RGS6: variants seen among roughly 807,000 people sequenced by gnomAD.
RGS6 encodes regulator of G-protein signaling 6.
In RGS6, 30 loss-of-function variants were observed where a neutral mutation model predicts 78.5. That is an observed-to-expected ratio of 0.38 (90% CI 0.29 to 0.52). RGS6 has a LOEUF of 0.52. Among genes scored for constraint, RGS6 ranks in the 20% least tolerant of loss-of-function variants. The pLI is 0.85. For missense variants in RGS6, 495 were observed against 609.7 expected (o/e 0.81, Z 1.98); for synonymous variants, 206 against 206.0 (o/e 1.00, Z 0.00).
chr14:72,619,561 T>C, the RGS6 span, among the ~76,000 whole-genome samples: 1 of 152,204 alleles, frequency 6.6e-6, no homozygotes, highest in East Asian at 1.9e-4. Context: ...GCTCAACTCT[T>C]ATCAAGACCC....
At chr14:72,150,215 C>A (rs562707442) in intron 2 of RGS6, among the ~76,000 whole-genome samples, 1 of 152,014 alleles carries the variant, frequency 6.6e-6, no homozygotes, top group Non-Finnish European at 1.5e-5. Flanking sequence ...CAAAGAAGCC[C>A]ATGGGGAGAT....
chr14:72,409,720 A>C (rs1453687849), intron 3 of RGS6, among the ~76,000 whole-genome samples: 2 of 151,602 alleles, frequency 1.3e-5, no homozygotes, highest in East Asian at 1.9e-4. Context: ...CCTCTCCCCC[A>C]ACCCCACAAC....
At chr14:71,889,609 G>T in the RGS6 span, among the ~76,000 whole-genome samples, 836 of 152,252 alleles carry the variant, frequency 5.5e-3, 7 homozygotes, top group African/African-American at 0.019. Flanking sequence ...TTGAGTTGGG[G>T]GAGAGCTTGG....
intron 12 of RGS6, among the ~76,000 whole-genome samples, chr14:72,485,480 G>A (rs1304007754): frequency 6.6e-6 from 1 of 152,142 alleles, no homozygotes; most frequent in Non-Finnish European, 1.5e-5. Flanking sequence ...CCTTCTCATT[G>A]TCTTGTGTGT....
intron 2 of RGS6, among the ~76,000 whole-genome samples, chr14:72,298,553 T>C (rs1457373249): frequency 6.7e-6 from 1 of 149,466 alleles, no homozygotes; most frequent in African/African-American, 2.4e-5. Flanking sequence ...GTTCACCCCA[T>C]TCTCCTGCCT....
downstream of RGS6, among the ~76,000 whole-genome samples, chr14:72,570,664 G>C (rs74441274): frequency 0.014 from 2,071 of 152,240 alleles, 35 homozygotes; most frequent in African/African-American, 0.047. Flanking sequence ...AAAGCTAACT[G>C]TAAACACAGT....
chr14:71,987,679 C>G (rs1352556141), intron 2 of RGS6, among the ~76,000 whole-genome samples: 1 of 152,102 alleles, frequency 6.6e-6, no homozygotes, highest in Non-Finnish European at 1.5e-5. Flanking sequence ...ACCACCACAC[C>G]TGGCTAATTT....
At chr14:71,951,254 C>A (rs533100576) in intron 1 of RGS6, among the ~76,000 whole-genome samples, 6 of 152,220 alleles carry the variant, frequency 3.9e-5, no homozygotes, top group African/African-American at 1.4e-4. Flanking sequence ...ATGTCCTTTG[C>A]AGGGTCGTGG....
intron 2 of RGS6, among the ~76,000 whole-genome samples, chr14:72,217,907 A>G (rs2045958846): frequency 1.3e-5 from 2 of 152,224 alleles, no homozygotes; most frequent in African/African-American, 4.8e-5. Flanking sequence ...ACACATTTAC[A>G]CATATACATA....
At chr14:72,238,044 G>A (rs75606338) in intron 2 of RGS6, among the ~76,000 whole-genome samples, 3,224 of 152,212 alleles carry the variant, frequency 0.021, 63 homozygotes, top group African/African-American at 0.047. Context: ...ATTTTATTAA[G>A]CAGTGGGAGT....
chr14:71,894,747 A>G, the RGS6 span, among the ~76,000 whole-genome samples: 1 of 152,220 alleles, frequency 6.6e-6, no homozygotes, highest in Non-Finnish European at 1.5e-5. Flanking sequence ...AATAGAATAT[A>G]TGACTGTTTT....
At chr14:72,109,327 A>G (rs998908436) in intron 2 of RGS6, among the ~76,000 whole-genome samples, 2 of 152,102 alleles carry the variant, frequency 1.3e-5, no homozygotes, top group African/African-American at 2.4e-5. Context: ...TAATTTTTGA[A>G]CATTCTGTTT....
At chr14:71,901,599 G>A in the RGS6 span, among the ~76,000 whole-genome samples, 3 of 152,092 alleles carry the variant, frequency 2.0e-5, no homozygotes, top group Non-Finnish European at 2.9e-5. Flanking sequence ...CAGTTCAGAT[G>A]CCAAATGAAT....
chr14:72,476,635 G>A (rs1598084190), intron 10 of RGS6, 107 bp from the exon 11 acceptor site: 1 of 743,392 alleles, frequency 1.3e-6, no homozygotes, highest in East Asian at 2.6e-5. Context: ...ATCTCTTATT[G>A]TCATGAGGGG....
Position 72,198,401 on chromosome 14 carries a change from T to G in RGS6, c.85-153694T>G, listed in dbSNP as rs185507013. On this transcript the variant is annotated intron_variant, in intron 2 of 17. Coordinates refer to ENST00000553525, the MANE Select transcript of RGS6 (RefSeq NM_001204424.2). ...AACATCTTGCATAAGGCCCAGGCCA[T>G]AAGCAGACATTCAAATAAATTAATT... Among the ~76,000 whole-genome samples, 48 of 152,366 alleles carry G rather than the reference T, an allele frequency of 3.2e-4. 1 individual carries two copies. The highest frequency in any genetic ancestry group is 3.1e-3 in the Admixed American group (48 of 15,304).
chr14:72,613,043 T>C, the RGS6 span, among the ~76,000 whole-genome samples: 98,691 of 151,030 alleles, frequency 0.65, 33,290 homozygotes, highest in East Asian at 0.99. Flanking sequence ...TGTGCGTGCG[T>C]GCACGCACGC....
intron 2 of RGS6, among the ~76,000 whole-genome samples, chr14:72,054,366 G>A (rs908742239): frequency 3.9e-5 from 6 of 152,060 alleles, no homozygotes; most frequent in South Asian, 2.1e-4. Context: ...CACTGTGCTC[G>A]AAGATGACAG....
chr14:72,226,469 A>G (rs557236712), intron 2 of RGS6, among the ~76,000 whole-genome samples: 3 of 152,348 alleles, frequency 2.0e-5, no homozygotes, highest in South Asian at 4.1e-4. Context: ...GGGAGAAAAG[A>G]AAAACTTTTC....
chr14:72,208,154 T>C (rs1303075161), intron 2 of RGS6, among the ~76,000 whole-genome samples: 4 of 152,206 alleles, frequency 2.6e-5, no homozygotes, highest in African/African-American at 9.7e-5. Flanking sequence ...TTTGAGCCAG[T>C]GAGAGTCACT....
Sources: allele counts gnomAD v4.1 joint callset (sites outside exome capture counted in the v4.1 genomes callset), GRCh38; gene constraint gnomAD v4.1.1; transcripts MANE v1.5; gene names NCBI Gene and HGNC (gene_info 2026-07-23, HGNC 2026-07-21).